Variants in FBXO25 observed in about 807,000 individuals in gnomAD.
The protein encoded by FBXO25 is F-box protein 25.
FBXO25 carries 45 observed loss-of-function variants against 51.9 expected under a neutral mutation model. The ratio of observed to expected loss-of-function variants is 0.87; its 90% CI spans 0.68 to 1.11. FBXO25 has a LOEUF of 1.11. FBXO25 is among the 50% of genes most tolerant of loss of function. The pLI is 0.00. For missense variants in FBXO25, 507 were observed against 428.5 expected, an observed-to-expected ratio of 1.18 and a Z score of -1.62; for synonymous variants, 199 against 151.0, an observed-to-expected ratio of 1.32 and a Z score of -2.33.
chr8:466,402 G>C (rs1478134832), intron 9 of FBXO25, among the ~76,000 whole-genome samples: 2 of 152,216 alleles, frequency 1.3e-5, no homozygotes, highest in African/African-American at 4.8e-5. Flanking sequence ...ATGTTCAGCA[G>C]TCCTGCACCT....
At chr8:426,152 C>T (rs1325622682) in intron 2 of FBXO25, among the ~76,000 whole-genome samples, 2 of 152,112 alleles carry the variant, frequency 1.3e-5, no homozygotes, top group Admixed American at 6.5e-5. Flanking sequence ...TAAAGACCAC[C>T]CTGCAGCTCA....
chr8:410,106 G>A (rs971283719), intron 1 of FBXO25, among the ~76,000 whole-genome samples: 4 of 152,134 alleles, frequency 2.6e-5, no homozygotes, highest in Admixed American at 6.5e-5. Flanking sequence ...CTAGTTTCTA[G>A]TCAGAGCTTT....
chr8:447,520 G>C (rs1798816010), intron 5 of FBXO25, among the ~76,000 whole-genome samples: 1 of 152,216 alleles, frequency 6.6e-6, no homozygotes, highest in Admixed American at 6.5e-5. Flanking sequence ...GGAGATCCCA[G>C]TGCAGGAATG....
At chr8:453,284 T>C (rs747612531) in intron 7 of FBXO25, among the ~76,000 whole-genome samples, 4 of 152,192 alleles carry the variant, frequency 2.6e-5, no homozygotes, top group Non-Finnish European at 4.4e-5. Context: ...ACTTGTTTCT[T>C]CTCTTTCATT....
intron 1 of FBXO25, among the ~76,000 whole-genome samples, chr8:409,872 A>T (rs1438304110): frequency 2.6e-5 from 4 of 152,148 alleles, no homozygotes; most frequent in African/African-American, 7.2e-5. Context: ...ATAAAGTCTA[A>T]ACACCTTTGA....
At chr8:461,017 A>G (rs934304484) in intron 8 of FBXO25, among the ~76,000 whole-genome samples, 8 of 152,220 alleles carry the variant, frequency 5.3e-5, no homozygotes, top group African/African-American at 1.9e-4. Flanking sequence ...ACAGTGTTGT[A>G]CAAACAAGTT....
At position 413,683 on chromosome 8, in the gene FBXO25, A is replaced by G. The variant is rs112568115; in HGVS notation, c.134+470A>G. Among the ~76,000 whole-genome samples the G allele has an allele frequency of 1.4e-3, 215 of 152,322 alleles. 2 individuals carry two copies. The highest frequency in any genetic ancestry group is 4.7e-3 in the African/African-American group (197 of 41,572). ...ATCCCAAGAGTGCAGCCTTACCTGC[A>G]TGGTCCAAAACGGTGTATTACCTGC... On this transcript the variant is annotated intron_variant, in intron 2 of 9. Coordinates refer to ENST00000350302, the MANE Select transcript of FBXO25 (RefSeq NM_183420.2).
At chr8:409,920 C>A (rs577650129) in intron 1 of FBXO25, among the ~76,000 whole-genome samples, 3 of 152,192 alleles carry the variant, frequency 2.0e-5, no homozygotes, top group Admixed American at 6.5e-5. Context: ...GCTTATGTAC[C>A]AGTCCTCTGA....
chr8:456,822 A>C (rs984273195), intron 7 of FBXO25, among the ~76,000 whole-genome samples: 1 of 152,316 alleles, frequency 6.6e-6, no homozygotes, highest in East Asian at 1.9e-4. Context: ...GCCCTGCAGC[A>C]GTTTCCATTC....
chr8:435,346 G>A, intron 4 of FBXO25: 2 of 462,088 alleles, frequency 4.3e-6, no homozygotes, highest in South Asian at 3.1e-5. Flanking sequence ...AAACAAACCG[G>A]CAAGATATTT....
intron 5 of FBXO25, among the ~76,000 whole-genome samples, chr8:447,026 T>C (rs1241844665): frequency 6.6e-6 from 1 of 152,188 alleles, no homozygotes; most frequent in Admixed American, 6.5e-5. Context: ...TGGGCAGTGA[T>C]ACTATAGGCG....
In FBXO25 at chr8:451,312, G is replaced by C. The variant is rs760924947; in HGVS notation, c.519G>C (p.Leu173=). ...HHNPRLIKDL[L]QDLSSTLCIL... ...ATCCTCGCTTAATCAAAGATCTTCT[G>C]CAAGACCTAAGCTCTACCCTCTGCA... Residue 173 remains leucine (L), a synonymous_variant, in exon 7 of 10, where the codon CTG becomes CTC. Transcript: ENST00000350302. The C allele has an allele frequency of 2.5e-6, 4 of 1,611,524 alleles. No homozygotes were observed. Among genetic ancestry groups the C allele is most frequent in the Non-Finnish European group, 3.4e-6 (4 of 1,179,390 alleles).
At chr8:451,819 G>T (rs1421179897) in intron 7 of FBXO25, among the ~76,000 whole-genome samples, 6 of 152,162 alleles carry the variant, frequency 3.9e-5, no homozygotes, top group Non-Finnish European at 1.5e-5. Flanking sequence ...TCCCAAGTTA[G>T]TAACTTTTTG....
At chr8:420,747 C>T (rs116995972) in intron 2 of FBXO25, among the ~76,000 whole-genome samples, 8 of 152,238 alleles carry the variant, frequency 5.3e-5, no homozygotes, top group African/African-American at 9.6e-5. Flanking sequence ...ATAAGGAAGA[C>T]GAACAAATCA....
In FBXO25 at chr8:477,642, A is replaced by T. The variant is rs1800683421; in HGVS notation, c.*8838A>T. 1 of 152,238 alleles carries T rather than the reference A, an allele frequency of 6.6e-6. No individual in the cohort carries two copies. The highest frequency in any genetic ancestry group is 2.4e-5 in the African/African-American group (1 of 41,470). The allele number at this position is 152,238 out of a possible 1,614,324, so 9.4% of individuals were successfully genotyped here. A position where few individuals can be genotyped will look rare whatever the true frequency, so the allele number is the denominator to read the frequency against. On this transcript the variant is annotated 3_prime_UTR_variant, in exon 10 of 10. Coordinates refer to ENST00000350302, the MANE Select transcript of FBXO25 (RefSeq NM_183420.2). ...GAAGCAGGGCTTGGAGCAGATGGTA[A>T]AGATTGTTGGCTTTTCCAGCCATGG...
rs1282243029 is a variant in FBXO25 at position 470,912 on chromosome 8, CT to C, written c.*2114del. On this transcript the variant is annotated 3_prime_UTR_variant, in exon 10 of 10. Transcript: ENST00000350302. Reference sequence around the variant, plus strand: ...CCTGTTTTTTGGGGTGGATGTCAGTCTTTTTTCATGTTAGTTTCTTCTTAAA... The same window carrying C: ...CCTGTTTTTTGGGGTGGATGTCAGTCTTTTTCATGTTAGTTTCTTCTTAAA... 1 of 152,054 alleles carries C rather than the reference CT, an allele frequency of 6.6e-6. No individual in the cohort carries two copies. Among genetic ancestry groups the C allele is most frequent in the Non-Finnish European group, 1.5e-5 (1 of 67,986 alleles). The allele number at this position is 152,054 out of a possible 1,614,324, so 9.4% of individuals were successfully genotyped here.
chr8:448,278 T>C (rs1006070577), intron 5 of FBXO25, among the ~76,000 whole-genome samples: 29 of 152,094 alleles, frequency 1.9e-4, no homozygotes, highest in African/African-American at 6.8e-4. Context: ...CTGGGGAAGG[T>C]TGACTGAGAA....
At chr8:467,677 C>T in intron 9 of FBXO25, 2 of 1,608,784 alleles carry the variant, frequency 1.2e-6, no homozygotes, top group Non-Finnish European at 8.5e-7. Context: ...TTTTCCCTCC[C>T]TTCACTGCAT....
In FBXO25 at chr8:472,088, G is replaced by A. The variant is rs970875603; in HGVS notation, c.*3284G>A. Reference sequence around the variant, plus strand: ...CTTTCTTACCCCGTTTCGCTGGCTAGAATCTCTAGTACAATGTTGAATAGC... The same window carrying A: ...CTTTCTTACCCCGTTTCGCTGGCTAAAATCTCTAGTACAATGTTGAATAGC... On this transcript the variant is annotated 3_prime_UTR_variant, in exon 10 of 10. Coordinates refer to ENST00000350302, the MANE Select transcript of FBXO25 (RefSeq NM_183420.2). 6.6e-6 allele frequency: 1 copy of A among 152,160 alleles called. No homozygotes were observed. The highest frequency in any genetic ancestry group is 1.5e-5 in the Non-Finnish European group (1 of 68,040). 9.4% of individuals were successfully genotyped at this position (152,160 alleles called of 1,614,324 possible).
Sources: allele counts gnomAD v4.1 joint callset (sites outside exome capture counted in the v4.1 genomes callset), GRCh38; gene constraint gnomAD v4.1.1; transcripts MANE v1.5; gene names NCBI Gene and HGNC (gene_info 2026-07-23, HGNC 2026-07-21).